LRRC19: variants seen among roughly 807,000 people sequenced by gnomAD.
LRRC19 encodes the protein leucine rich repeat containing 19.
A neutral mutation model predicts 33.3 loss-of-function variants in LRRC19; 33 were observed. That is an observed-to-expected ratio of 0.99 (90% CI 0.75 to 1.33). The LOEUF is 1.33. Among genes scored for constraint, LRRC19 ranks in the 40% most tolerant of loss-of-function variants. The probability of loss-of-function intolerance (pLI) is 0.00; values close to 1 mark genes in which losing one functional copy is unlikely to be tolerated. For missense variants in LRRC19, 463 were observed against 417.3 expected (o/e 1.11, Z -0.95); for synonymous variants, 184 against 152.3 (o/e 1.21, Z -1.53).
chr9:27,004,285 A>AT (rs1828661804), intron 1 of LRRC19, among the ~76,000 whole-genome samples: 5 of 152,138 alleles, frequency 3.3e-5, no homozygotes, highest in East Asian at 1.9e-4. Context: ...TTAGAAAAGG[A>AT]TTTTTTTTCC....
At chr9:26,999,013 A>T (rs62542667) in intron 2 of LRRC19, among the ~76,000 whole-genome samples, 16,034 of 152,148 alleles carry the variant, frequency 0.11, 1,086 homozygotes, top group South Asian at 0.26. Flanking sequence ...CAATCAATCA[A>T]TCAGTCTGAA....
chr9:27,002,736 T>C (rs1235285262), intron 1 of LRRC19, among the ~76,000 whole-genome samples: 1 of 152,370 alleles, frequency 6.6e-6, no homozygotes, highest in South Asian at 2.1e-4. Flanking sequence ...GCCTCCAGCT[T>C]TGTTCCTTTT....
chr9:26,997,941 G>A lies in LRRC19; in HGVS notation c.382C>T (p.Leu128Phe). ...LGLNKLKQLY[L>F]CQNKIEQLNA... Reference sequence around the variant, plus strand: ...AGTTGTTCTATTTTGTTTTGGCAGAGATATAACTGTTTTAGTTTATTTAAG... The same window carrying A: ...AGTTGTTCTATTTTGTTTTGGCAGAAATATAACTGTTTTAGTTTATTTAAG... The change falls in exon 3 of 5, where the codon CTC becomes TTC. Residue 128 changes from leucine (L) to phenylalanine (F), a missense_variant. Leu to Phe is a conservative substitution (Grantham distance 22). Transcript: ENST00000380055. 1 of 1,613,938 alleles carries A rather than the reference G, an allele frequency of 6.2e-7. No individual in the cohort carries two copies. The highest frequency in any genetic ancestry group is 1.3e-5 in the African/African-American group (1 of 75,014).
At chr9:27,003,308 A>G (rs1828601444) in intron 1 of LRRC19, among the ~76,000 whole-genome samples, 1 of 152,052 alleles carries the variant, frequency 6.6e-6, no homozygotes, top group African/African-American at 2.4e-5. Context: ...AGATCACCTG[A>G]GGTCAGGAGT....
chr9:26,999,030 C>G (rs1461738355), intron 2 of LRRC19, among the ~76,000 whole-genome samples: 1 of 152,108 alleles, frequency 6.6e-6, no homozygotes, highest in Admixed American at 6.5e-5. Flanking sequence ...TGAATAAACT[C>G]TCTGGTTTAA....
Position 27,005,363 on chromosome 9 carries a change from C to G in LRRC19, c.-10+229G>C, listed in dbSNP as rs867895692. 4.7e-4 allele frequency among the ~76,000 whole-genome samples: 47 copies of G among 99,146 alleles called. 4 individuals are homozygous for G. Among genetic ancestry groups the G allele is most frequent in the Admixed American group, 1.0e-3 (10 of 9,736 alleles). The allele number at this position is 99,146 out of a possible 152,430, so 65.0% of individuals were successfully genotyped here. A position where few individuals can be genotyped will look rare whatever the true frequency, so the allele number is the denominator to read the frequency against. The stretch of plus-strand genomic sequence containing the variant: ...TAGATGAAACCATTTCCCCCCCCGC[C>G]CCCCGCAAAACAATTACTTAGTATT... On this transcript the variant is annotated intron_variant, in intron 1 of 4. Coordinates refer to ENST00000380055, the MANE Select transcript of LRRC19 (RefSeq NM_022901.3).
At chr9:26,998,333 G>C (rs1326692695) in intron 2 of LRRC19, 92 bp from the exon 3 acceptor site, 6 of 771,672 alleles carry the variant, frequency 7.8e-6, no homozygotes, top group African/African-American at 1.8e-5. Flanking sequence ...ACATTAGAAG[G>C]ACGTTATTTT....
intron 2 of LRRC19, among the ~76,000 whole-genome samples, chr9:26,998,850 C>T (rs909524572): frequency 6.6e-6 from 1 of 151,392 alleles, no homozygotes; most frequent in Admixed American, 6.6e-5. Flanking sequence ...AAAAGTCAGC[C>T]GGGCATGGTG....
At chr9:27,004,762 T>C (rs1828684480) in intron 1 of LRRC19, among the ~76,000 whole-genome samples, 1 of 152,078 alleles carries the variant, frequency 6.6e-6, no homozygotes, top group Admixed American at 6.6e-5. Flanking sequence ...TAATATAAAA[T>C]AGAAAACTGG....
At position 26,993,314 on chromosome 9, in the gene LRRC19, T is replaced by C. The variant is rs1465512043; in HGVS notation, c.*2207A>G. 1 of 152,156 alleles carries C rather than the reference T, an allele frequency of 6.6e-6. No individual in the cohort carries two copies. Among genetic ancestry groups the C allele is most frequent in the African/African-American group, 2.4e-5 (1 of 41,452 alleles). The allele number at this position is 152,156 out of a possible 1,614,324, so 9.4% of individuals were successfully genotyped here. ...GGAAATAATTTAGCAGAATGATACATTGTTTAGAAAAAGATATTTTATGTT... is the reference window on the plus strand; with the variant it reads ...GGAAATAATTTAGCAGAATGATACACTGTTTAGAAAAAGATATTTTATGTT... On this transcript the variant is annotated 3_prime_UTR_variant, in exon 5 of 5. Coordinates refer to ENST00000380055, the MANE Select transcript of LRRC19 (RefSeq NM_022901.3).
intron 1 of LRRC19, among the ~76,000 whole-genome samples, chr9:27,004,846 C>T (rs1828688271): frequency 1.3e-5 from 2 of 150,704 alleles, no homozygotes; most frequent in Non-Finnish European, 3.0e-5. Context: ...ATATGATCTA[C>T]GTTACTGAAA....
intron 1 of LRRC19, among the ~76,000 whole-genome samples, chr9:27,004,864 A>G (rs1828689622): frequency 6.6e-6 from 1 of 152,156 alleles, no homozygotes; most frequent in South Asian, 2.1e-4. Flanking sequence ...AAAAAAAAAG[A>G]GCTTTACTCA....
rs529424607 is a variant in LRRC19, at chr9:27,003,310, G to C, written c.-10+2282C>G. On this transcript the variant is annotated intron_variant, in intron 1 of 4. Coordinates refer to ENST00000380055, the MANE Select transcript of LRRC19 (RefSeq NM_022901.3). ...GGCCGAGGCGGGCAGATCACCTGAG[G>C]TCAGGAGTTTGAGACCAGCCTGGCC... is the stretch of plus-strand genomic sequence containing the variant. Among the ~76,000 whole-genome samples, 4 of 152,116 alleles carry C rather than the reference G, an allele frequency of 2.6e-5. No homozygotes were observed. The South Asian group carries it at 6.2e-4, about 24-fold the overall frequency.
At chr9:26,996,852 T>C (rs1828183834) in intron 3 of LRRC19, among the ~76,000 whole-genome samples, 1 of 152,160 alleles carries the variant, frequency 6.6e-6, no homozygotes, top group Non-Finnish European at 1.5e-5. Flanking sequence ...TTTAAAAAAT[T>C]AGTCTGACAT....
At chr9:27,003,779 A>G (rs1828630188) in intron 1 of LRRC19, among the ~76,000 whole-genome samples, 1 of 152,200 alleles carries the variant, frequency 6.6e-6, no homozygotes, top group Non-Finnish European at 1.5e-5. Context: ...GTAGATCATA[A>G]TAGAATCCCT....
intron 2 of LRRC19, among the ~76,000 whole-genome samples, chr9:26,999,090 G>A (rs372076233): frequency 4.1e-4 from 63 of 152,066 alleles, no homozygotes; most frequent in African/African-American, 1.4e-3. Context: ...TGTTTTAAAA[G>A]GAAATATTTA....
rs1163792931 is a variant in LRRC19 at position 26,993,554 on chromosome 9, A to T, written c.*1967T>A. On this transcript the variant is annotated 3_prime_UTR_variant, in exon 5 of 5. Coordinates refer to ENST00000380055, the MANE Select transcript of LRRC19 (RefSeq NM_022901.3). Reference sequence around the variant, plus strand: ...AGTAGACATTTGTATTGAATTTACTAATTATGTAACTTTTAAAATGACTAT... The same window carrying T: ...AGTAGACATTTGTATTGAATTTACTTATTATGTAACTTTTAAAATGACTAT... The T allele has an allele frequency of 6.6e-6, 1 of 152,548 alleles. No homozygotes were observed. The highest frequency in any genetic ancestry group is 1.5e-5 in the Non-Finnish European group (1 of 68,008). 9.4% of individuals were successfully genotyped at this position (152,548 alleles called of 1,614,324 possible).
At chr9:27,005,532 A>G (rs1255489618) in intron 1 of LRRC19, 60 bp downstream of exon 1, 2 of 151,486 alleles carry the variant, frequency 1.3e-5, no homozygotes, top group Non-Finnish European at 2.9e-5. Flanking sequence ...GACTTAACAA[A>G]CTTAAATATG....
At position 26,993,325 on chromosome 9, in the gene LRRC19, AAG is replaced by A. The variant is rs1196250005; in HGVS notation, c.*2194_*2195del. Reference sequence around the variant, plus strand: ...AGCAGAATGATACATTGTTTAGAAAAAGATATTTTATGTTCCTATAATCATCT... The same window carrying A: ...AGCAGAATGATACATTGTTTAGAAAAATATTTTATGTTCCTATAATCATCT... On this transcript the variant is annotated 3_prime_UTR_variant, in exon 5 of 5. Coordinates refer to ENST00000380055, the MANE Select transcript of LRRC19 (RefSeq NM_022901.3). The A allele has an allele frequency of 6.6e-6, 1 of 152,198 alleles. No individual in the cohort carries two copies. The highest frequency in any genetic ancestry group is 2.4e-5 in the African/African-American group (1 of 41,454). 9.4% of individuals were successfully genotyped at this position (152,198 alleles called of 1,614,324 possible).
Sources: gnomAD v4.1 joint callset for allele counts (sites outside exome capture counted in the v4.1 genomes callset) on GRCh38, gnomAD v4.1.1 for gene constraint, MANE v1.5 for transcripts, NCBI Gene and HGNC (gene_info 2026-07-23, HGNC 2026-07-21) for gene names.